Variants in MSL2 observed in about 807,000 individuals in gnomAD.
MSL2 encodes MSL complex subunit 2, also known as E3 ubiquitin-protein ligase MSL2.
Under a neutral mutation model 35.8 loss-of-function variants are expected in MSL2, and 2 were observed. That is an observed-to-expected ratio of 0.06 (90% confidence interval 0.02 to 0.18). MSL2 has a LOEUF of 0.18. Ranked by LOEUF, MSL2 falls within the 10% of genes least tolerant of loss-of-function variation. The probability of loss-of-function intolerance (pLI) is 1.00; values close to 1 mark genes in which losing one functional copy is unlikely to be tolerated. For missense variants in MSL2, 523 were observed against 706.7 expected (o/e 0.74, Z 2.95); for synonymous variants, 296 against 255.7 (o/e 1.16, Z -1.50).
rs183171647 is a variant in MSL2, at chr3:136,182,702, C to T, written c.142+12270G>A. ...CTGCACTCCAGCCTGGGAGACAGAGCGAGACTCCGTCTCAAAAAAAAAAAA... is the reference window on the plus strand; with the variant it reads ...CTGCACTCCAGCCTGGGAGACAGAGTGAGACTCCGTCTCAAAAAAAAAAAA... On this transcript the variant is annotated intron_variant, in intron 1 of 1. Transcript: ENST00000309993. 2.3e-3 allele frequency among the ~76,000 whole-genome samples: 339 copies of T among 148,832 alleles called. 3 individuals are homozygous for T. Among genetic ancestry groups the T allele is most frequent in the African/African-American group, 8.3e-3 (332 of 39,972 alleles).
chr3:136,184,706 G>A (rs868119986), intron 1 of MSL2, among the ~76,000 whole-genome samples: 7 of 121,144 alleles, frequency 5.8e-5, no homozygotes, highest in Admixed American at 1.1e-4. Context: ...TTACAAACCC[G>A]AATTCTTACA....
chr3:136,189,108 C>CAAAA (rs372715974), intron 1 of MSL2, among the ~76,000 whole-genome samples: 36 of 38,586 alleles, frequency 9.3e-4, no homozygotes, highest in Non-Finnish European at 9.5e-4. Flanking sequence ...CCTGTCTCTA[C>CAAAA]AAAAAAAAAA....
chr3:136,194,529 C>T, intron 1 of MSL2: 1 of 766,726 alleles, frequency 1.3e-6, no homozygotes, highest in South Asian at 5.5e-5. Flanking sequence ...TCAGCTTAGC[C>T]CACCACTCCC....
At position 136,152,460 on chromosome 3, in the gene MSL2, C is replaced by T; in HGVS notation, c.421G>A (p.Glu141Lys). Residue 141 changes from glutamate to lysine, a missense_variant, in exon 2 of 2, where the codon GAG (glutamate) becomes AAG (lysine). By Grantham distance (56) the Glu-to-Lys change is moderately conservative (BLOSUM62 1). This residue lies in a region of MSL2 where 361 missense variants were observed against 414.6 expected (regional missense o/e 0.87). Coordinates refer to ENST00000309993, the MANE Select transcript of MSL2 (RefSeq NM_018133.4). ...ALLNDGSLFC[E>K]ETEKPSDSSF... The stretch of plus-strand genomic sequence containing the variant: ...GAATCTGAGGGTTTTTCTGTCTCCT[C>T]ACAAAACAATGATCCATCATTAAGC... 6.2e-7 allele frequency: 1 copy of T among 1,614,160 alleles called. No homozygotes were observed. The highest frequency in any genetic ancestry group is 1.1e-5 in the South Asian group (1 of 91,076).
chr3:136,168,135 T>A (rs1293812476), intron 1 of MSL2, among the ~76,000 whole-genome samples: 1 of 152,106 alleles, frequency 6.6e-6, no homozygotes, highest in African/African-American at 2.4e-5. Flanking sequence ...TCCCAGCACT[T>A]TGGGAGTCCA....
intron 1 of MSL2, 36 bp downstream of exon 1, chr3:136,194,936 C>G (rs370918466): frequency 1.4e-5 from 23 of 1,612,260 alleles, no homozygotes; most frequent in South Asian, 7.7e-5. Context: ...CTTTTAAAAA[C>G]AAGCATTGAA....
rs1939299558 is a variant in MSL2, at chr3:136,149,906, G to A, written c.*1241C>T. On this transcript the variant is annotated 3_prime_UTR_variant, in exon 2 of 2. Transcript: ENST00000309993. ...CTGCAGCTCTTCTTTTAAATCACAG[G>A]TTATTTCATTACACCTAGTCAGTCC... 6.6e-6 allele frequency: 1 copy of A among 152,568 alleles called. No individual in the cohort carries two copies. The highest frequency in any genetic ancestry group is 1.9e-4 in the East Asian group (1 of 5,190). The allele number at this position is 152,568 out of a possible 1,614,324, so 9.5% of individuals were successfully genotyped here.
At chr3:136,185,135 C>T (rs778797774) in intron 1 of MSL2, among the ~76,000 whole-genome samples, 3 of 151,994 alleles carry the variant, frequency 2.0e-5, no homozygotes, top group African/African-American at 7.3e-5. Flanking sequence ...CCACCACACC[C>T]GGCTTATTTT....
At chr3:136,188,108 A>G (rs925289061) in intron 1 of MSL2, among the ~76,000 whole-genome samples, 1 of 152,094 alleles carries the variant, frequency 6.6e-6, no homozygotes. Context: ...TGTTTACACA[A>G]GCCAAAGGTT....
At chr3:136,172,516 T>C (rs567334615) in intron 1 of MSL2, among the ~76,000 whole-genome samples, 1 of 152,288 alleles carries the variant, frequency 6.6e-6, no homozygotes, top group African/African-American at 2.4e-5. Flanking sequence ...AAGGCAAAAA[T>C]TGCTAATCCC....
chr3:136,182,646 A>C (rs1940401863), intron 1 of MSL2, among the ~76,000 whole-genome samples: 1 of 151,692 alleles, frequency 6.6e-6, no homozygotes, highest in South Asian at 2.1e-4. Flanking sequence ...GAGATGAGAG[A>C]GCTGCACAGA....
intron 1 of MSL2, among the ~76,000 whole-genome samples, chr3:136,167,529 GACTA>G (rs1450157271): frequency 2.0e-5 from 3 of 152,036 alleles, no homozygotes; most frequent in Non-Finnish European, 2.9e-5. Flanking sequence ...TTACAGCAAG[GACTA>G]ACTAATCAAT....
intron 1 of MSL2, among the ~76,000 whole-genome samples, chr3:136,154,693 T>A (rs1299298237): frequency 6.6e-6 from 1 of 151,994 alleles, no homozygotes; most frequent in Non-Finnish European, 1.5e-5. Context: ...ACACCACATA[T>A]CAAAATTTGG....
rs137871177 is a variant in MSL2 at position 136,151,262 on chromosome 3, C to T, written c.1619G>A (p.Ser540Asn). Reference sequence around the variant, plus strand: ...GACATTTATTACACTGGTGCTGGTACTAGCGTTACGCACAGCAATGCTAGT... The same window carrying T: ...GACATTTATTACACTGGTGCTGGTATTAGCGTTACGCACAGCAATGCTAGT... ...NVTSIAVRNASTSTSVINVTG... is the reference protein window; with the variant it reads ...NVTSIAVRNANTSTSVINVTG... The change falls in exon 2 of 2, where the codon AGT becomes AAT. Residue 540 changes from serine to asparagine, a missense_variant. Coordinates refer to ENST00000309993, the MANE Select transcript of MSL2 (RefSeq NM_018133.4). This position sits in a 1 kb window ranked among gnomAD's most constrained non-coding sequence, Gnocchi z 5.2. The T allele has an allele frequency of 7.6e-3, 12,230 of 1,614,226 alleles. 68 individuals carry two copies. The highest frequency in any genetic ancestry group is 8.7e-3 in the Non-Finnish European group (10,227 of 1,180,046).
chr3:136,189,843 AC>A (rs1362045551), intron 1 of MSL2, among the ~76,000 whole-genome samples: 1 of 152,158 alleles, frequency 6.6e-6, no homozygotes, highest in African/African-American at 2.4e-5. Flanking sequence ...CTATTCAAAA[AC>A]AAACTCTACA....
intron 1 of MSL2, among the ~76,000 whole-genome samples, chr3:136,180,752 AGGAGGGAAGGAGGGAGGGAGGGAGGGAG>A (rs1290660297): frequency 2.3e-5 from 2 of 85,912 alleles, no homozygotes; most frequent in African/African-American, 4.7e-5. Context: ...AGAGGAGGGA[AGGAGGGAAGGAGGGAGGGAGGGAGGGAG>A]GGAGGGAGGG....
rs115410059 is a variant in MSL2 at position 136,179,687 on chromosome 3, T to C, written c.142+15285A>G. Among the ~76,000 whole-genome samples the C allele has an allele frequency of 5.4e-3, 820 of 152,390 alleles. 7 individuals are homozygous for C. Among genetic ancestry groups the C allele is most frequent in the African/African-American group, 0.019 (786 of 41,596 alleles). ...TTAATCAGCATATTAGGCAAGATTA[T>C]ACTATAAAGATCATCTTAAAGCATA... On this transcript the variant is annotated intron_variant, in intron 1 of 1. Transcript: ENST00000309993.
intron 1 of MSL2, among the ~76,000 whole-genome samples, chr3:136,192,350 TG>T (rs1223198121): frequency 3.9e-5 from 6 of 151,944 alleles, no homozygotes; most frequent in Admixed American, 3.9e-4. Flanking sequence ...AGCTAATTTG[TG>T]TATTTTTAGT....
At chr3:136,177,344 G>A (rs1360925727) in intron 1 of MSL2, among the ~76,000 whole-genome samples, 1 of 152,062 alleles carries the variant, frequency 6.6e-6, no homozygotes, top group Non-Finnish European at 1.5e-5. Context: ...AAACAAGAAA[G>A]AATAATTAAT....
Sources: allele counts gnomAD v4.1 joint callset (sites outside exome capture counted in the v4.1 genomes callset), GRCh38; gene constraint gnomAD v4.1.1; regional missense constraint gnomAD v4.1.1; non-coding constraint Gnocchi (gnomAD v3.1); transcripts MANE v1.5; gene names NCBI Gene and HGNC (gene_info 2026-07-23, HGNC 2026-07-21).